The following PKHD1 variants were observed in gnomAD, a reference collection of about 807,000 sequenced individuals.
PKHD1 encodes fibrocystin.
Under a neutral mutation model 412.0 loss-of-function variants are expected in PKHD1, and 291 were observed. The ratio of observed to expected loss-of-function variants is 0.71; its 90% CI spans 0.64 to 0.78. PKHD1 has a LOEUF of 0.78. Ranked by LOEUF, PKHD1 falls within the 30% of genes least tolerant of loss-of-function variation. The probability of loss-of-function intolerance (pLI) is 0.00; values close to 1 mark genes in which losing one functional copy is unlikely to be tolerated. For missense variants in PKHD1, 4,825 were observed against 4,950.7 expected, an observed-to-expected ratio of 0.97 and a Z score of 0.76; for synonymous variants, 1,777 against 1,821.5, an observed-to-expected ratio of 0.98 and a Z score of 0.62.
rs540660774 is a variant in PKHD1, at chr6:51,695,855, C to T, written c.10157-35886G>A. Among the ~76,000 whole-genome samples the T allele has an allele frequency of 2.0e-5, 3 of 152,240 alleles. No homozygotes were observed. In the South Asian group the frequency reaches 6.2e-4, roughly 32 times the overall value. ...AAATTTTTAATTCCCTCTCTTCCCC[C>T]CTTTACTATCTTGTGTCTGTTGTAC... On this transcript the variant is annotated intron_variant, in intron 60 of 66. Coordinates refer to ENST00000371117, the MANE Select transcript of PKHD1 (RefSeq NM_138694.4).
chr6:51,916,154 C>G (rs1289807551), intron 37 of PKHD1, among the ~76,000 whole-genome samples: 1 of 152,084 alleles, frequency 6.6e-6, no homozygotes, highest in Non-Finnish European at 1.5e-5. Context: ...TGGCACAATT[C>G]CTAACACAGC....
At chr6:52,041,727 A>G (rs1804916290) in intron 27 of PKHD1, among the ~76,000 whole-genome samples, 1 of 152,164 alleles carries the variant, frequency 6.6e-6, no homozygotes, top group South Asian at 2.1e-4. Context: ...ATGTTCTGAT[A>G]GGGTAACCAA....
intron 57 of PKHD1, 25 bp downstream of exon 57, chr6:51,753,176 G>A (rs1162870311): frequency 3.7e-6 from 6 of 1,607,522 alleles, no homozygotes; most frequent in South Asian, 1.1e-5. Context: ...ACTGGTAATG[G>A]CCAATTACTT....
intron 27 of PKHD1, 134 bp from the exon 28 acceptor site, chr6:52,035,855 C>A: frequency 1.1e-6 from 1 of 881,640 alleles, no homozygotes; most frequent in Admixed American, 2.1e-5. Context: ...GCTCAAACTG[C>A]AGGAAAAAAA....
chr6:52,060,772 T>C (rs371416947), intron 14 of PKHD1, among the ~76,000 whole-genome samples: 1 of 152,164 alleles, frequency 6.6e-6, no homozygotes, highest in East Asian at 1.9e-4. Context: ...TTAATGTACA[T>C]ACATTATCTT....
At chr6:51,651,529 A>G (rs1770968501) in intron 61 of PKHD1, among the ~76,000 whole-genome samples, 2 of 152,118 alleles carry the variant, frequency 1.3e-5, no homozygotes, top group South Asian at 4.1e-4. Flanking sequence ...GTAATAGATA[A>G]AAGCAAAGGA....
intron 36 of PKHD1, 22 bp from the exon 37 acceptor site, chr6:51,934,344 G>A (rs116186175): frequency 3.3e-6 from 5 of 1,522,670 alleles, no homozygotes; most frequent in Non-Finnish European, 3.6e-6. Flanking sequence ...AGGGAAAATT[G>A]TCAGTCCCTG....
rs201368119 is a variant in PKHD1, at chr6:51,721,951, A to G, written c.10156+22434T>C. The G allele has an allele frequency of 4.5e-5, 72 of 1,613,268 alleles. 1 individual carries two copies. The African/African-American group carries it at 8.9e-4, about 20-fold the overall frequency. ...CACCCTGCTTCCTGCTGCCTCATTA[A>G]TCTTTCAAAGTTCAGCTTCCTGCAG... On this transcript the variant is annotated intron_variant, in intron 60 of 66. Coordinates refer to ENST00000371117, the MANE Select transcript of PKHD1 (RefSeq NM_138694.4).
intron 43 of PKHD1, among the ~76,000 whole-genome samples, chr6:51,890,969 C>T (rs375982867): frequency 2.0e-5 from 3 of 152,164 alleles, no homozygotes; most frequent in African/African-American, 7.2e-5. Context: ...TCAGTGCAGA[C>T]AGTAGGGCTA....
Position 52,048,608 on chromosome 6 carries a change from G to A in PKHD1, c.2291C>T (p.Thr764Ile), listed in dbSNP as rs190315828. ...LPLITARSVP[T>I]EGTEEGSGLV... ...TCCAGATCCCTCTTCTGTTCCTTCA[G>A]TGGGCACAGAGCTGTGGCACGTCAG... Residue 764 changes from threonine to isoleucine, a missense_variant, in exon 23 of 67, where the codon ACT becomes ATT. By Grantham distance (89) the Thr-to-Ile change is moderately conservative. Coordinates refer to ENST00000371117, the MANE Select transcript of PKHD1 (RefSeq NM_138694.4). 22 of 1,614,112 alleles carry A rather than the reference G, an allele frequency of 1.4e-5. No homozygotes were observed. In the East Asian group the frequency reaches 4.0e-4, roughly 29 times the overall value.
chr6:51,796,207 G>A (rs1794562835), intron 52 of PKHD1, among the ~76,000 whole-genome samples: 1 of 95,372 alleles, frequency 1.0e-5, no homozygotes, highest in African/African-American at 3.2e-5. Context: ...TCTATTCAGG[G>A]ATTCAATTCT....
intron 29 of PKHD1, among the ~76,000 whole-genome samples, chr6:52,029,405 T>C (rs1447028965): frequency 6.6e-6 from 1 of 152,166 alleles, no homozygotes; most frequent in African/African-American, 2.4e-5. Flanking sequence ...CAAAATAAGT[T>C]AAACACAGAC....
intron 43 of PKHD1, among the ~76,000 whole-genome samples, chr6:51,899,000 G>T (rs528074385): frequency 6.6e-6 from 1 of 152,186 alleles, no homozygotes; most frequent in Non-Finnish European, 1.5e-5. Flanking sequence ...CCAATAACAG[G>T]ATCTGAAATT....
chr6:51,953,204 G>T (rs1274952887), intron 36 of PKHD1, among the ~76,000 whole-genome samples: 1 of 151,996 alleles, frequency 6.6e-6, no homozygotes, highest in Non-Finnish European at 1.5e-5. Context: ...CAGCCAACTT[G>T]CAGATAAATT....
At chr6:51,807,458 A>AAAATAT (rs1332349363) in intron 52 of PKHD1, among the ~76,000 whole-genome samples, 5 of 49,698 alleles carry the variant, frequency 1.0e-4, no homozygotes, top group South Asian at 2.5e-3. Flanking sequence ...AAAAAAAAAA[A>AAAATAT]ATATATATAT....
chr6:51,945,618 G>T (rs552958294), intron 36 of PKHD1, among the ~76,000 whole-genome samples: 1 of 152,336 alleles, frequency 6.6e-6, no homozygotes, highest in South Asian at 2.1e-4. Context: ...GAGATGCATA[G>T]TCAGGAATTC....
rs1029545311 is a variant in PKHD1 at position 52,082,374 on chromosome 6, A to G, written c.281+18T>C. 1 of 1,613,692 alleles carries G rather than the reference A, an allele frequency of 6.2e-7. No individual in the cohort carries two copies. Among genetic ancestry groups the G allele is most frequent in the Non-Finnish European group, 8.5e-7 (1 of 1,179,572 alleles). The stretch of plus-strand genomic sequence containing the variant: ...ATCCCTCATCCTGTCTGGTCTTCCT[A>G]TTCCCAGACAGGTATACCTGGTCCG... On this transcript the variant is annotated intron_variant, in intron 4 of 66. Coordinates refer to ENST00000371117, the MANE Select transcript of PKHD1 (RefSeq NM_138694.4).
At chr6:51,946,060 G>A (rs1309678216) in intron 36 of PKHD1, among the ~76,000 whole-genome samples, 2 of 152,168 alleles carry the variant, frequency 1.3e-5, no homozygotes, top group Non-Finnish European at 2.9e-5. Context: ...GGATTAGTGG[G>A]TAAATATATA....
At position 51,632,739 on chromosome 6, in the gene PKHD1, G is replaced by T. The variant is rs941280974; in HGVS notation, c.11507-16C>A. On this transcript the variant is annotated splice_polypyrimidine_tract_variant and intron_variant, in intron 64 of 66. Transcript: ENST00000371117. ...AAATTGACTCCTGTGGCGGGGAAAA[G>T]AAGATGTTTCAATGATATGTTAATA... is the stretch of plus-strand genomic sequence containing the variant. 11 of 1,607,684 alleles carry T rather than the reference G, an allele frequency of 6.8e-6. No individual in the cohort carries two copies. The highest frequency in any genetic ancestry group is 8.5e-6 in the Non-Finnish European group (10 of 1,174,744).
Sources: gnomAD v4.1 joint callset for allele counts (sites outside exome capture counted in the v4.1 genomes callset) on GRCh38, gnomAD v4.1.1 for gene constraint, MANE v1.5 for transcripts, NCBI Gene and HGNC (gene_info 2026-07-23, HGNC 2026-07-21) for gene names.